Variants in NECAB3 observed in about 807,000 individuals in gnomAD.
NECAB3 encodes the protein N-terminal EF-hand calcium binding protein 3, also known as N-terminal EF-hand calcium-binding protein 3.
In NECAB3, 38 loss-of-function variants were observed where a neutral mutation model predicts 57.2. The observed-to-expected ratio is 0.66, with a 90% confidence interval of 0.51 to 0.87. The LOEUF (loss-of-function observed/expected upper bound fraction) is 0.87. Ranked by LOEUF, NECAB3 falls within the 40% of genes least tolerant of loss-of-function variation. The pLI is 0.00. For synonymous variants in NECAB3, 223 were observed against 222.6 expected, an observed-to-expected ratio of 1.00 and a Z score of -0.02; for missense variants, 474 against 527.5, an observed-to-expected ratio of 0.90 and a Z score of 0.99.
At chr20:33,668,155 C>G (rs776044908) in intron 5 of NECAB3, 1 of 1,612,712 alleles carries the variant, frequency 6.2e-7, no homozygotes. Flanking sequence ...GGCCTCCCTG[C>G]ACTCCTTCCA....
intron 5 of NECAB3, among the ~76,000 whole-genome samples, chr20:33,666,082 AAAT>A (rs767564014): frequency 1.2e-4 from 18 of 152,286 alleles, no homozygotes; most frequent in East Asian, 1.2e-3. Flanking sequence ...TCCGTCTCAA[AAAT>A]AATAATAATA....
intron 1 of NECAB3, 60 bp from the exon 2 acceptor site, chr20:33,672,482 C>T: frequency 6.2e-7 from 1 of 1,605,282 alleles, no homozygotes; most frequent in Non-Finnish European, 8.5e-7. Context: ...CAGAGGCCCC[C>T]ACTCAACCCG....
At chr20:33,668,248 T>G in intron 5 of NECAB3, 1 of 1,552,092 alleles carries the variant, frequency 6.4e-7, no homozygotes, top group Non-Finnish European at 8.7e-7. Flanking sequence ...CAGGCTGGAC[T>G]GGGGGGGGTG....
chr20:33,658,151 A>T, intron 10 of NECAB3, 118 bp from the exon 11 acceptor site: 3 of 883,396 alleles, frequency 3.4e-6, no homozygotes, highest in Non-Finnish European at 3.5e-6. Flanking sequence ...CTCCCCTGTG[A>T]CACGGGGAAG....
At chr20:33,675,140 G>C (rs999292416), upstream of NECAB3, 1 of 152,494 alleles carries the variant, frequency 6.6e-6, no homozygotes, top group African/African-American at 2.4e-5. Flanking sequence ...TTTGCCCATC[G>C]TGTCCTCTGC....
chr20:33,658,561 G>A lies in NECAB3; in HGVS notation c.993-7C>T, dbSNP rs370617506. ...CATCTTCTGGGCGGACACACTGTAGGGCCAAAGAGATGGGCAGGCCAGGCC... is the reference window on the plus strand; with the variant it reads ...CATCTTCTGGGCGGACACACTGTAGAGCCAAAGAGATGGGCAGGCCAGGCC... On this transcript the variant is annotated splice_polypyrimidine_tract_variant and splice_region_variant and intron_variant, in intron 9 of 11. Transcript: ENST00000246190. 1 of 1,614,004 alleles carries A rather than the reference G, an allele frequency of 6.2e-7. No homozygotes were observed. The highest frequency in any genetic ancestry group is 1.1e-5 in the South Asian group (1 of 91,072).
At chr20:33,672,210 T>C (rs1354675360) in intron 2 of NECAB3, 188 bp downstream of exon 2, 1 of 680,192 alleles carries the variant, frequency 1.5e-6, no homozygotes, top group Non-Finnish European at 2.5e-6. Context: ...TTCTCTCCAC[T>C]CTCCATCCTG....
chr20:33,663,298 G>A, intron 5 of NECAB3: 1 of 564,378 alleles, frequency 1.8e-6, no homozygotes, highest in Non-Finnish European at 3.1e-6. Context: ...TGGGATGGAT[G>A]AGGGTTTCCA....
chr20:33,661,073 T>C (rs2017461528), intron 5 of NECAB3, among the ~76,000 whole-genome samples: 1 of 152,194 alleles, frequency 6.6e-6, no homozygotes, highest in Non-Finnish European at 1.5e-5. Context: ...TTCCTGGAGC[T>C]TCCATTTCCT....
chr20:33,667,896 G>A (rs1352548311), intron 5 of NECAB3: 4 of 1,584,328 alleles, frequency 2.5e-6, no homozygotes, highest in Non-Finnish European at 3.4e-6. Context: ...CGGGCCTGCT[G>A]GGCCAGGCTG....
intron 1 of NECAB3, 152 bp from the exon 2 acceptor site, chr20:33,672,574 G>A: frequency 2.4e-6 from 2 of 840,720 alleles, no homozygotes; most frequent in Non-Finnish European, 3.9e-6. Context: ...GCCCAGCTCA[G>A]CCCTGCAGGA....
Position 33,674,280 on chromosome 20 carries a change from G to T in NECAB3, c.73C>A (p.Arg25=). The T allele has an allele frequency of 2.4e-6, 3 of 1,228,356 alleles. No individual in the cohort carries two copies. Among genetic ancestry groups the T allele is most frequent in the Non-Finnish European group, 3.0e-6 (3 of 984,950 alleles). The allele number at this position is 1,228,356 out of a possible 1,614,324, so 76.1% of individuals were successfully genotyped here. A position where few individuals can be genotyped will look rare whatever the true frequency, so the allele number is the denominator to read the frequency against. The part of the protein sequence containing the change: ...PAPQPQPQTP[R]HPQLAPDPGP... ...GGGTCGGGCGCGAGCTGGGGGTGCC[G>T]CGGGGTCTGGGGCTGGGGCTGGGGC... Residue 25 remains arginine (R), a synonymous_variant, in exon 1 of 12, where the codon CGG becomes AGG. Coordinates refer to ENST00000246190, the MANE Select transcript of NECAB3 (RefSeq NM_031232.4).
At chr20:33,658,972 G>C in intron 8 of NECAB3, 138 bp from the exon 9 acceptor site, 1 of 640,104 alleles carries the variant, frequency 1.6e-6, no homozygotes, top group Admixed American at 2.4e-5. Flanking sequence ...CCAGGCTGGA[G>C]TGCAGTGGTG....
At chr20:33,666,045 T>C (rs2017638974) in intron 5 of NECAB3, among the ~76,000 whole-genome samples, 1 of 152,160 alleles carries the variant, frequency 6.6e-6, no homozygotes, top group Admixed American at 6.5e-5. Context: ...ATTGCAACGC[T>C]GCACGCCCAG....
intron 3 of NECAB3, 54 bp downstream of exon 3, chr20:33,670,630 T>TG (rs1206958637): frequency 7.7e-7 from 1 of 1,300,978 alleles, no homozygotes; most frequent in Admixed American, 1.9e-5. Flanking sequence ...GGGGACACAG[T>TG]GGGGTAAAGA....
intron 1 of NECAB3, among the ~76,000 whole-genome samples, chr20:33,673,861 G>A (rs558669285): frequency 6.6e-6 from 1 of 152,228 alleles, no homozygotes; most frequent in Admixed American, 6.5e-5. Context: ...CGGCACTAGA[G>A]TCAGGAGTGA....
chr20:33,670,580 G>T, intron 3 of NECAB3, 104 bp downstream of exon 3: 1 of 767,858 alleles, frequency 1.3e-6, no homozygotes. Context: ...CTTTCTCCCT[G>T]CCCCCTCTTC....
In NECAB3 at chr20:33,657,801, CG is replaced by C. The variant is rs2017331309; in HGVS notation, c.*27del. ...CTCCAGAGGGAGGCAGGCAGGGTCC[CG>C]GGGCCCTCGGCGTGTGCAGGTCTGG... On this transcript the variant is annotated 3_prime_UTR_variant, in exon 12 of 12. Coordinates refer to ENST00000246190, the MANE Select transcript of NECAB3 (RefSeq NM_031232.4). 3.3e-6 allele frequency: 5 copies of C among 1,513,238 alleles called. No individual in the cohort carries two copies. The highest frequency in any genetic ancestry group is 2.7e-6 in the Non-Finnish European group (3 of 1,126,626). The allele number at this position is 1,513,238 out of a possible 1,614,324, so 93.7% of individuals were successfully genotyped here.
chr20:33,674,146 G>A, intron 1 of NECAB3, 78 bp downstream of exon 1: 1 of 1,211,608 alleles, frequency 8.3e-7, no homozygotes, highest in Non-Finnish European at 1.0e-6. Flanking sequence ...CAGCGGCGGG[G>A]CCCGAACAAC....
Sources: gnomAD v4.1 joint callset for allele counts (sites outside exome capture counted in the v4.1 genomes callset) on GRCh38, gnomAD v4.1.1 for gene constraint, MANE v1.5 for transcripts, NCBI Gene and HGNC (gene_info 2026-07-23, HGNC 2026-07-21) for gene names.